The following NUDC variants were observed in gnomAD, a reference collection of about 807,000 sequenced individuals.
NUDC encodes nuclear distribution C, dynein complex regulator.
Under a neutral mutation model 45.0 loss-of-function variants are expected in NUDC, and 14 were observed. That is an observed-to-expected ratio of 0.31 (90% CI 0.21 to 0.49). The LOEUF is 0.49. Among genes scored for constraint, NUDC ranks in the 20% least tolerant of loss-of-function variants. The pLI, the probability that NUDC is intolerant of heterozygous loss-of-function variation, is 0.99. For missense variants in NUDC, 323 were observed against 426.2 expected, an observed-to-expected ratio of 0.76 and a Z score of 2.13; for synonymous variants, 153 against 156.7, an observed-to-expected ratio of 0.98 and a Z score of 0.17.
chr1:26,917,355 A>G (rs953220970), upstream of NUDC, among the ~76,000 whole-genome samples: 1 of 152,128 alleles, frequency 6.6e-6, no homozygotes, highest in Non-Finnish European at 1.5e-5. Flanking sequence ...TGAGGTCAGG[A>G]GTTCGAGACC....
intron 1 of NUDC, among the ~76,000 whole-genome samples, chr1:26,922,893 C>T (rs1177485909): frequency 2.0e-5 from 3 of 152,194 alleles, no homozygotes; most frequent in Non-Finnish European, 4.4e-5. Context: ...TTCCTGTCTC[C>T]ATTCCTCTAA....
intron 2 of NUDC, among the ~76,000 whole-genome samples, chr1:26,930,667 C>T (rs1022472558): frequency 4.7e-5 from 7 of 148,258 alleles, no homozygotes; most frequent in African/African-American, 1.3e-4. Flanking sequence ...CCATGATAAA[C>T]GGCACTGTAA....
upstream of NUDC, among the ~76,000 whole-genome samples, chr1:26,920,051 C>T (rs943405232): frequency 4.6e-5 from 7 of 152,046 alleles, no homozygotes; most frequent in East Asian, 1.4e-3. Flanking sequence ...ACACGCAATT[C>T]CAACCAAAAG....
chr1:26,916,656 C>G (rs1276610663), intron 3 of NUDC, among the ~76,000 whole-genome samples: 1 of 152,054 alleles, frequency 6.6e-6, no homozygotes, highest in East Asian at 1.9e-4. Context: ...GCACTAGAAT[C>G]ATACTAAAAA....
chr1:26,913,866 C>T, intron 3 of NUDC: 2 of 1,503,664 alleles, frequency 1.3e-6, no homozygotes, highest in African/African-American at 2.8e-5. Context: ...GGCTGGAGCT[C>T]AGAAGTGCGT....
chr1:26,913,786 G>A lies in NUDC; in HGVS notation c.93+2551G>A, dbSNP rs373841811. On this transcript the variant is annotated intron_variant, in intron 3 of 6. Transcript: ENST00000435827. ...CAAGGCCTCCCGGCAGGTGCGATGA[G>A]GTGCACATAGCTGGACGGGCCGGTG... The A allele has an allele frequency of 3.9e-6, 6 of 1,553,578 alleles. No homozygotes were observed. The African/African-American group carries it at 4.1e-5, about 11-fold the overall frequency.
intron 3 of NUDC, chr1:26,913,997 G>A: frequency 5.3e-6 from 7 of 1,331,438 alleles, no homozygotes; most frequent in Non-Finnish European, 6.8e-6. Flanking sequence ...CGCTGTGGGT[G>A]CTATTTATAT....
At chr1:26,927,623 C>G (rs1474176808) in intron 2 of NUDC, among the ~76,000 whole-genome samples, 1 of 151,902 alleles carries the variant, frequency 6.6e-6, no homozygotes, top group South Asian at 2.1e-4. Flanking sequence ...GTCTCGAACT[C>G]CTGAGCTCGT....
intron 2 of NUDC, among the ~76,000 whole-genome samples, chr1:26,935,642 G>A (rs2082223407): frequency 6.6e-6 from 1 of 151,926 alleles, no homozygotes; most frequent in Admixed American, 6.6e-5. Flanking sequence ...GGGATTATGG[G>A]AACTACAATT....
intron 1 of NUDC, chr1:26,900,416 C>T: frequency 1.2e-5 from 19 of 1,610,626 alleles, no homozygotes; most frequent in Non-Finnish European, 1.6e-5. Flanking sequence ...CTGTCGCCTC[C>T]TCCTCCGCCT....
rs554929356 is a variant in NUDC at position 26,904,975 on chromosome 1, T to C, written c.-16+2609T>C. Among the ~76,000 whole-genome samples, 4 of 150,506 alleles carry C rather than the reference T, an allele frequency of 2.7e-5. 1 individual carries two copies. The highest frequency in any genetic ancestry group is 9.7e-5 in the African/African-American group (4 of 41,136). Reference sequence around the variant, plus strand: ...CATCAGCCTCCTGAGTAGCTGGGATTACAGGCATGCGCCACCACGCCCGGC... The same window carrying C: ...CATCAGCCTCCTGAGTAGCTGGGATCACAGGCATGCGCCACCACGCCCGGC... On this transcript the variant is annotated intron_variant, in intron 2 of 6. Transcript: ENST00000435827.
intron 4 of NUDC, 98 bp from the exon 5 acceptor site, chr1:26,942,562 G>T (rs1156320578): frequency 1.3e-5 from 21 of 1,569,548 alleles, no homozygotes; most frequent in Non-Finnish European, 1.8e-5. Context: ...TTCTTTTGTG[G>T]CTGTATGCCC....
chr1:26,915,459 G>C (rs1248775210), intron 3 of NUDC, among the ~76,000 whole-genome samples: 1 of 152,218 alleles, frequency 6.6e-6, no homozygotes, highest in African/African-American at 2.4e-5. Context: ...CAGGGGATGA[G>C]AGAAGGTGGA....
At chr1:26,923,545 A>T (rs925445161) in intron 1 of NUDC, among the ~76,000 whole-genome samples, 1 of 152,016 alleles carries the variant, frequency 6.6e-6, no homozygotes, top group Non-Finnish European at 1.5e-5. Flanking sequence ...ATCTTGGCTC[A>T]CTGCAACCTC....
chr1:26,907,555 T>A (rs371529099), intron 2 of NUDC, among the ~76,000 whole-genome samples: 1 of 151,122 alleles, frequency 6.6e-6, no homozygotes, highest in East Asian at 1.9e-4. Flanking sequence ...TCTAGGATAT[T>A]TGAATGCCCC....
intron 2 of NUDC, among the ~76,000 whole-genome samples, chr1:26,928,934 TAATC>T (rs1445266167): frequency 6.6e-6 from 1 of 152,190 alleles, no homozygotes; most frequent in African/African-American, 2.4e-5. Flanking sequence ...ATACCCAAAA[TAATC>T]AGGAGGAGGA....
intron 2 of NUDC, among the ~76,000 whole-genome samples, chr1:26,933,637 C>G (rs1202692686): frequency 6.6e-6 from 1 of 150,886 alleles, no homozygotes; most frequent in South Asian, 2.1e-4. Flanking sequence ...TGGTCTCAAA[C>G]TCCTGACCTC....
chr1:26,945,577 C>T lies in NUDC; in HGVS notation c.835C>T (p.Leu279=), dbSNP rs377197832. 17 of 1,614,108 alleles carry T rather than the reference C, an allele frequency of 1.1e-5. No individual in the cohort carries two copies. In the East Asian group the frequency reaches 3.6e-4, roughly 34 times the overall value. The change falls in exon 8 of 9, where the codon CTG becomes TTG. Residue 279 remains leucine (L), a synonymous_variant. Transcript: ENST00000321265. ...INPENSKLSD[L]DSETRSMVEK... The stretch of plus-strand genomic sequence containing the variant: ...CACTGCCTGCCCTCAGCTGTCAGAC[C>T]TGGACAGTGAGACTCGCAGCATGGT...
chr1:26,933,278 G>A (rs191791738), intron 2 of NUDC, among the ~76,000 whole-genome samples: 56 of 151,892 alleles, frequency 3.7e-4, no homozygotes, highest in African/African-American at 1.3e-3. Flanking sequence ...GGACTTTTGG[G>A]TTGCTTTCAC....
Sources: allele counts gnomAD v4.1 joint callset (sites outside exome capture counted in the v4.1 genomes callset), GRCh38; gene constraint gnomAD v4.1.1; transcripts MANE v1.5; gene names NCBI Gene and HGNC (gene_info 2026-07-23, HGNC 2026-07-21).